PAX5: variants seen among roughly 807,000 people sequenced by gnomAD.
PAX5 encodes the protein paired box 5.
In PAX5, 9 loss-of-function variants were observed where a neutral mutation model predicts 43.7. The observed-to-expected ratio is 0.21, with a 90% confidence interval of 0.12 to 0.36. The LOEUF is 0.36. PAX5 is among the 10% of genes least tolerant of loss of function. PAX5 has a pLI of 1.00. For synonymous variants in PAX5, 228 were observed against 214.3 expected, an observed-to-expected ratio of 1.06 and a Z score of -0.56; for missense variants, 383 against 532.7, an observed-to-expected ratio of 0.72 and a Z score of 2.77.
At chr9:36,846,775 C>A (rs2131590181) in intron 9 of PAX5, 68 bp downstream of exon 9, 3 of 1,136,110 alleles carry the variant, frequency 2.6e-6, no homozygotes. Flanking sequence ...GGGACCCAGG[C>A]CAGTGAGGAG....
At chr9:36,924,731 A>AAAGT (rs775540837) in intron 6 of PAX5, among the ~76,000 whole-genome samples, 1 of 72,100 alleles carries the variant, frequency 1.4e-5, no homozygotes, top group African/African-American at 5.0e-5. Flanking sequence ...AAAAAGAAAG[A>AAAGT]GGTGGAAGGA....
At chr9:36,862,392 C>T (rs1824306864) in intron 8 of PAX5, among the ~76,000 whole-genome samples, 1 of 152,128 alleles carries the variant, frequency 6.6e-6, no homozygotes, top group East Asian at 1.9e-4. Context: ...TCCGGCCTTC[C>T]TATTTCAGAA....
intron 8 of PAX5, among the ~76,000 whole-genome samples, chr9:36,871,136 G>A (rs528890473): frequency 6.6e-5 from 10 of 152,336 alleles, no homozygotes; most frequent in South Asian, 2.1e-4. Context: ...CTGTAGCAGC[G>A]TGGCTTAAAC....
At chr9:36,898,497 C>T (rs1292743748) in intron 7 of PAX5, among the ~76,000 whole-genome samples, 1 of 152,210 alleles carries the variant, frequency 6.6e-6, no homozygotes, top group Non-Finnish European at 1.5e-5. Flanking sequence ...CCATCACAGG[C>T]TCCTTCTGCC....
At chr9:36,851,359 T>G (rs1823145647) in intron 8 of PAX5, among the ~76,000 whole-genome samples, 1 of 152,090 alleles carries the variant, frequency 6.6e-6, no homozygotes, top group Admixed American at 6.5e-5. Context: ...CATTTTCAGT[T>G]GTCTGTTGGG....
chr9:36,874,472 G>T (rs560576301), intron 8 of PAX5, among the ~76,000 whole-genome samples: 1 of 152,126 alleles, frequency 6.6e-6, no homozygotes, highest in East Asian at 1.9e-4. Flanking sequence ...TACTTGCCTG[G>T]CCTGGGCTGG....
chr9:37,023,902 T>C (rs910516794), intron 1 of PAX5, among the ~76,000 whole-genome samples: 5 of 152,204 alleles, frequency 3.3e-5, no homozygotes, highest in African/African-American at 7.2e-5. Context: ...AGTAGACATA[T>C]ACATGGTTAG....
At chr9:36,848,696 G>T (rs1822846118) in intron 8 of PAX5, among the ~76,000 whole-genome samples, 1 of 152,130 alleles carries the variant, frequency 6.6e-6, no homozygotes, top group South Asian at 2.1e-4. Context: ...CGAGCCCAGG[G>T]CATTGGGCTA....
chr9:36,926,117 C>T (rs982076654), intron 6 of PAX5, among the ~76,000 whole-genome samples: 13 of 152,130 alleles, frequency 8.5e-5, no homozygotes, highest in African/African-American at 1.7e-4. Flanking sequence ...TTTATGATAG[C>T]GCAGGAATGA....
At chr9:36,873,865 C>T (rs1211446780) in intron 8 of PAX5, among the ~76,000 whole-genome samples, 6 of 152,330 alleles carry the variant, frequency 3.9e-5, no homozygotes, top group Middle Eastern at 3.4e-3. Context: ...TCACTACTCC[C>T]GGCCATGCCT....
chr9:37,032,097 G>A (rs1475079340), intron 1 of PAX5, among the ~76,000 whole-genome samples: 5 of 152,188 alleles, frequency 3.3e-5, no homozygotes, highest in African/African-American at 1.2e-4. Flanking sequence ...ACCCATCAGT[G>A]AGGAGGGGGC....
Position 37,006,211 on chromosome 9 carries a change from A to ATT in PAX5, c.475+260_475+261dup, listed in dbSNP as rs5897669. Among the ~76,000 whole-genome samples, 975 of 151,418 alleles carry ATT rather than the reference A, an allele frequency of 6.4e-3. 6 individuals are homozygous for ATT. Among genetic ancestry groups the ATT allele is most frequent in the African/African-American group, 0.021 (880 of 41,280 alleles). ...ACATTCTATAGACCCCCATTAGTGGATTTTTTTTTGGCTTAGATTTCAATT... is the reference window on the plus strand; with the variant it reads ...ACATTCTATAGACCCCCATTAGTGGATTTTTTTTTTTGGCTTAGATTTCAATT... On this transcript the variant is annotated intron_variant, in intron 4 of 9. Coordinates refer to ENST00000358127, the MANE Select transcript of PAX5 (RefSeq NM_016734.3).
chr9:36,833,410 T>C lies in PAX5; in HGVS notation c.*7150A>G, dbSNP rs1264004542. On this transcript the variant is annotated 3_prime_UTR_variant, in exon 10 of 10. Coordinates refer to ENST00000358127, the MANE Select transcript of PAX5 (RefSeq NM_016734.3). ...CCACTCATGAAAAGACACACAGATA[T>C]TGAAACTACGCCAATCTTATTGCAT... The C allele has an allele frequency of 1.2e-4, 27 of 233,072 alleles. No homozygotes were observed. The highest frequency in any genetic ancestry group is 8.5e-6 in the Non-Finnish European group (1 of 118,036). 14.4% of individuals were successfully genotyped at this position (233,072 alleles called of 1,614,324 possible). A position where few individuals can be genotyped will look rare whatever the true frequency, so the allele number is the denominator to read the frequency against.
Position 36,889,612 on chromosome 9 carries a change from C to T in PAX5, c.911-7507G>A, listed in dbSNP as rs76123708. ...TTCTGGCACCAGATGCCTTCACAAT[C>T]CCCCAGCATTGGGCACCCATCCTTC... On this transcript the variant is annotated intron_variant, in intron 7 of 9. Coordinates refer to ENST00000358127, the MANE Select transcript of PAX5 (RefSeq NM_016734.3). Among the ~76,000 whole-genome samples, 1,321 of 152,310 alleles carry T rather than the reference C, an allele frequency of 8.7e-3. 20 individuals carry two copies. The highest frequency in any genetic ancestry group is 0.028 in the African/African-American group (1,175 of 41,554).
chr9:36,940,812 T>C lies in PAX5; in HGVS notation c.781-17328A>G, dbSNP rs549417322. On this transcript the variant is annotated intron_variant, in intron 6 of 9. Transcript: ENST00000358127. ...GCAGTGATTTTCATCTGCTTTGTTC[T>C]CTGCTGAATCTCCAGGTACCTAGAG... Among the ~76,000 whole-genome samples the C allele has an allele frequency of 7.9e-5, 12 of 152,300 alleles. No individual in the cohort carries two copies. The East Asian group carries it at 2.3e-3, about 29-fold the overall frequency.
chr9:36,930,693 T>C (rs1201020913), intron 6 of PAX5, among the ~76,000 whole-genome samples: 2 of 151,996 alleles, frequency 1.3e-5, no homozygotes, highest in African/African-American at 4.8e-5. Flanking sequence ...TCACCATGAG[T>C]AAAATGAAAT....
intron 6 of PAX5, among the ~76,000 whole-genome samples, chr9:36,929,300 A>AT (rs1166153638): frequency 1.3e-5 from 2 of 151,682 alleles, no homozygotes; most frequent in Admixed American, 6.6e-5. Context: ...GATGGATGAG[A>AT]GAGAGAGAGA....
Position 36,978,035 on chromosome 9 carries a change from A to G in PAX5, c.605-11311T>C, listed in dbSNP as rs375255992. On this transcript the variant is annotated intron_variant, in intron 5 of 9. Coordinates refer to ENST00000358127, the MANE Select transcript of PAX5 (RefSeq NM_016734.3). Reference sequence around the variant, plus strand: ...CATCACTATCCATTATCCAGAACCTAATATACACTCTGATATACAAACAGT... The same window carrying G: ...CATCACTATCCATTATCCAGAACCTGATATACACTCTGATATACAAACAGT... Among the ~76,000 whole-genome samples the G allele has an allele frequency of 6.6e-5, 10 of 152,364 alleles. No individual in the cohort carries two copies. In the East Asian group the frequency reaches 1.3e-3, roughly 21 times the overall value.
At chr9:36,916,243 G>T (rs1337469838) in intron 7 of PAX5, among the ~76,000 whole-genome samples, 12 of 152,024 alleles carry the variant, frequency 7.9e-5, no homozygotes, top group Admixed American at 6.6e-4. Context: ...GATTTCAAAT[G>T]CTGCATTTGT....
Sources: allele counts gnomAD v4.1 joint callset (sites outside exome capture counted in the v4.1 genomes callset), GRCh38; gene constraint gnomAD v4.1.1; transcripts MANE v1.5; gene names NCBI Gene and HGNC (gene_info 2026-07-23, HGNC 2026-07-21).